CNTLN: variants seen among roughly 807,000 people sequenced by gnomAD.
CNTLN encodes the protein centlein, also known as centlein, centrosomal protein.
CNTLN carries 212 observed loss-of-function variants against 180.0 expected under a neutral mutation model. That is an observed-to-expected ratio of 1.18 (90% CI 1.05 to 1.32). CNTLN has a LOEUF of 1.32. Ranked by LOEUF, CNTLN falls within the 40% of genes most tolerant of loss-of-function variation. The probability of loss-of-function intolerance (pLI) is 0.00; values close to 1 mark genes in which losing one functional copy is unlikely to be tolerated. For missense variants in CNTLN, 2,095 were observed against 1,610.9 expected (o/e 1.30, Z -5.14); for synonymous variants, 722 against 563.1 (o/e 1.28, Z -3.99).
chr9:17,393,341 TTTCTCTTTGAAGAATTTTGTTTTA>T (rs1360392307), intron 14 of CNTLN, among the ~76,000 whole-genome samples: 3 of 152,234 alleles, frequency 2.0e-5, no homozygotes, highest in Non-Finnish European at 2.9e-5. Context: ...ATCAAACATG[TTTCTCTTTGAAGAATTTTGTTTTA>T]AAAGTAAAAA....
the CNTLN span, among the ~76,000 whole-genome samples, chr9:17,511,459 G>A: frequency 3.9e-5 from 6 of 152,134 alleles, no homozygotes; most frequent in African/African-American, 1.4e-4. Flanking sequence ...TCATCGCAAG[G>A]CTTGACTCAG....
At chr9:17,137,270 C>T (rs1198328171) in intron 1 of CNTLN, among the ~76,000 whole-genome samples, 1 of 152,056 alleles carries the variant, frequency 6.6e-6, no homozygotes, top group Non-Finnish European at 1.5e-5. Context: ...AGGCAGTATC[C>T]CGCACCATAA....
intron 13 of CNTLN, among the ~76,000 whole-genome samples, chr9:17,367,786 C>T (rs867273942): frequency 4.6e-5 from 7 of 152,128 alleles, no homozygotes; most frequent in Middle Eastern, 3.4e-3. Context: ...GATGCAGTCC[C>T]GGCAGGATCT....
intron 13 of CNTLN, 112 bp downstream of exon 13, chr9:17,366,829 C>A: frequency 1.6e-6 from 1 of 621,346 alleles, no homozygotes; most frequent in Non-Finnish European, 2.8e-6. Context: ...TCTTTTCCAA[C>A]ACTTTATTCA....
At chr9:17,370,059 T>C (rs1202766046) in intron 13 of CNTLN, among the ~76,000 whole-genome samples, 1 of 150,030 alleles carries the variant, frequency 6.7e-6, no homozygotes, top group Non-Finnish European at 1.5e-5. Context: ...ACAAGATTAA[T>C]GAAATAGCCT....
intron 5 of CNTLN, among the ~76,000 whole-genome samples, chr9:17,253,811 G>C (rs1447935855): frequency 6.8e-6 from 1 of 147,470 alleles, no homozygotes; most frequent in African/African-American, 2.5e-5. Context: ...TTCCAGTACT[G>C]TGTTGACTAG....
intron 25 of CNTLN, among the ~76,000 whole-genome samples, chr9:17,487,616 A>C (rs541822863): frequency 1.3e-5 from 2 of 152,204 alleles, no homozygotes; most frequent in East Asian, 3.9e-4. Flanking sequence ...AGAATGAAAA[A>C]ATTTCCACCA....
chr9:17,184,692 C>T (rs890560844), intron 2 of CNTLN, among the ~76,000 whole-genome samples: 4 of 152,134 alleles, frequency 2.6e-5, no homozygotes, highest in Non-Finnish European at 4.4e-5. Context: ...AGAACTCATA[C>T]TAGCATAATT....
intron 15 of CNTLN, among the ~76,000 whole-genome samples, chr9:17,396,027 A>G (rs1003552321): frequency 6.6e-6 from 1 of 152,214 alleles, no homozygotes; most frequent in Non-Finnish European, 1.5e-5. Context: ...GGTGGCCACA[A>G]GAGTGATCTC....
At chr9:17,322,655 A>G (rs1410323890) in intron 8 of CNTLN, among the ~76,000 whole-genome samples, 1 of 152,046 alleles carries the variant, frequency 6.6e-6, no homozygotes, top group Non-Finnish European at 1.5e-5. Flanking sequence ...CATTACCCTT[A>G]CTGAAATCTG....
At chr9:17,306,804 G>T (rs1050866310) in intron 7 of CNTLN, among the ~76,000 whole-genome samples, 1 of 151,950 alleles carries the variant, frequency 6.6e-6, no homozygotes, top group African/African-American at 2.4e-5. Context: ...GTACTGATTG[G>T]GTAAATATTG....
intron 18 of CNTLN, among the ~76,000 whole-genome samples, chr9:17,440,794 G>A (rs534574120): frequency 1.3e-5 from 2 of 152,230 alleles, no homozygotes; most frequent in Admixed American, 6.5e-5. Flanking sequence ...TTACAATATG[G>A]ATGAACCTTG....
At chr9:17,268,201 C>T (rs918282937) in intron 5 of CNTLN, among the ~76,000 whole-genome samples, 6 of 152,116 alleles carry the variant, frequency 3.9e-5, no homozygotes, top group African/African-American at 4.8e-5. Context: ...TGGTGACTTA[C>T]AGATGGGTTT....
In CNTLN at chr9:17,135,196, C is replaced by T; in HGVS notation, c.131C>T (p.Ala44Val). The T allele has an allele frequency of 1.9e-6, 3 of 1,610,788 alleles. No homozygotes were observed. The highest frequency in any genetic ancestry group is 2.5e-6 in the Non-Finnish European group (3 of 1,178,990). The stretch of plus-strand genomic sequence containing the variant: ...AGCGAGGCCTCGGGTTTTGCCGGCG[C>T]AGCGCGGGAGGTGGTCGCGGACGAA... Reference protein sequence around the residue: ...MRSEASGFAGAAREVVADESD... With the variant: ...MRSEASGFAGVAREVVADESD... Residue 44 changes from alanine (A) to valine (V), a missense_variant, in exon 1 of 26, where the codon GCA (alanine) becomes GTA (valine). Coordinates refer to ENST00000380647, the MANE Select transcript of CNTLN (RefSeq NM_017738.4).
chr9:17,143,384 C>A lies in CNTLN; in HGVS notation c.449+8C>A. ...CAGTTTGGTTGTGGAAAGGTGAGCT[C>A]TCAAATTATTTTTTCATGAGTATTT... On this transcript the variant is annotated splice_region_variant and intron_variant, in intron 2 of 25. Transcript: ENST00000380647. The A allele has an allele frequency of 6.2e-7, 1 of 1,607,542 alleles. No homozygotes were observed. The highest frequency in any genetic ancestry group is 1.1e-5 in the South Asian group (1 of 90,544).
At chr9:17,143,121 T>A (rs539670063) in intron 1 of CNTLN, among the ~76,000 whole-genome samples, 167 bp from the exon 2 acceptor site, 1 of 152,358 alleles carries the variant, frequency 6.6e-6, no homozygotes, top group African/African-American at 2.4e-5. Context: ...ATCTGTGTAA[T>A]AACTTTTTAA....
At chr9:17,480,163 C>T (rs1832567115) in intron 23 of CNTLN, among the ~76,000 whole-genome samples, 1 of 151,978 alleles carries the variant, frequency 6.6e-6, no homozygotes, top group African/African-American at 2.4e-5. Flanking sequence ...TGCATTTCAG[C>T]CCGGGTGACA....
intron 13 of CNTLN, among the ~76,000 whole-genome samples, chr9:17,371,031 C>T (rs1692615750): frequency 6.6e-6 from 1 of 151,878 alleles, no homozygotes; most frequent in African/African-American, 2.4e-5. Flanking sequence ...ATTACCTTCA[C>T]TACAAGGAAA....
At chr9:17,321,510 A>T (rs913276533) in intron 8 of CNTLN, among the ~76,000 whole-genome samples, 5 of 152,136 alleles carry the variant, frequency 3.3e-5, no homozygotes, top group Non-Finnish European at 7.4e-5. Flanking sequence ...TTGACATAAC[A>T]ATTGTAGGAA....
Sources: gnomAD v4.1 joint callset for allele counts (sites outside exome capture counted in the v4.1 genomes callset) on GRCh38, gnomAD v4.1.1 for gene constraint, MANE v1.5 for transcripts, NCBI Gene and HGNC (gene_info 2026-07-23, HGNC 2026-07-21) for gene names.